The following XIRP2 variants were observed in gnomAD, a reference collection of about 807,000 sequenced individuals.
The protein encoded by XIRP2 is xin actin-binding repeat-containing protein 2.
In XIRP2, 236 loss-of-function variants were observed where a neutral mutation model predicts 277.0. That is an observed-to-expected ratio of 0.85 (90% confidence interval 0.77 to 0.95). XIRP2 has a LOEUF of 0.95. Among genes scored for constraint, XIRP2 ranks in the 40% least tolerant of loss-of-function variants. The pLI is 0.00. For missense variants in XIRP2, 4,640 were observed against 4,157.5 expected, an observed-to-expected ratio of 1.12 and a Z score of -3.19; for synonymous variants, 1,490 against 1,416.5, an observed-to-expected ratio of 1.05 and a Z score of -1.17.
At chr2:167,107,261 A>G (rs2105291538) in intron 2 of XIRP2, among the ~76,000 whole-genome samples, 1 of 152,002 alleles carries the variant, frequency 6.6e-6, no homozygotes, top group African/African-American at 2.4e-5. Context: ...ACAGGTAAGA[A>G]TGAACATCCT....
At chr2:167,151,381 C>A (rs1692011114) in intron 3 of XIRP2, among the ~76,000 whole-genome samples, 1 of 152,066 alleles carries the variant, frequency 6.6e-6, no homozygotes, top group African/African-American at 2.4e-5. Context: ...AAAAGGCTAA[C>A]TGAAAGCCTG....
chr2:166,947,586 CCA>C (rs1409550986), intron 2 of XIRP2, among the ~76,000 whole-genome samples: 16 of 151,988 alleles, frequency 1.1e-4, no homozygotes, highest in Non-Finnish European at 1.5e-5. Context: ...CCACCCCTTG[CCA>C]CACACACATT....
chr2:167,141,601 G>A (rs1453333289), intron 3 of XIRP2, among the ~76,000 whole-genome samples: 1 of 152,172 alleles, frequency 6.6e-6, no homozygotes, highest in Non-Finnish European at 1.5e-5. Context: ...ACTTGAATAA[G>A]TAAATATTCT....
chr2:166,947,845 G>A (rs1685920362), intron 2 of XIRP2, among the ~76,000 whole-genome samples: 2 of 152,086 alleles, frequency 1.3e-5, no homozygotes, highest in African/African-American at 4.8e-5. Context: ...GCCAAAACTT[G>A]GAGGCAGTAA....
chr2:167,232,382 C>G (rs951934541), intron 5 of XIRP2, among the ~76,000 whole-genome samples: 1 of 151,892 alleles, frequency 6.6e-6, no homozygotes, highest in African/African-American at 2.4e-5. Flanking sequence ...ACAATACATA[C>G]AGGCTCCTTT....
chr2:167,173,885 C>G (rs1174152119), intron 3 of XIRP2, among the ~76,000 whole-genome samples: 2 of 152,118 alleles, frequency 1.3e-5, no homozygotes, highest in Non-Finnish European at 1.5e-5. Context: ...AGCACTTTTT[C>G]ATATGCCTGT....
intron 2 of XIRP2, among the ~76,000 whole-genome samples, chr2:167,118,355 G>A (rs1022618661): frequency 4.6e-5 from 7 of 151,936 alleles, no homozygotes; most frequent in Admixed American, 2.6e-4. Context: ...GGTGGCATAC[G>A]CCTGTAATCC....
At chr2:167,173,597 T>A (rs114224242) in intron 3 of XIRP2, among the ~76,000 whole-genome samples, 1 of 152,190 alleles carries the variant, frequency 6.6e-6, no homozygotes, top group Non-Finnish European at 1.5e-5. Flanking sequence ...AACATGAGAG[T>A]GCAGATATCT....
intron 2 of XIRP2, among the ~76,000 whole-genome samples, chr2:166,984,070 C>T (rs1164377900): frequency 1.3e-5 from 2 of 152,172 alleles, no homozygotes; most frequent in East Asian, 1.9e-4. Flanking sequence ...CATAGCTAAC[C>T]TTATTAAAGT....
At chr2:166,905,147 T>A (rs1174234461) in intron 2 of XIRP2, among the ~76,000 whole-genome samples, 3 of 152,056 alleles carry the variant, frequency 2.0e-5, no homozygotes, top group African/African-American at 7.2e-5. Flanking sequence ...TATACTTTTA[T>A]ATCTTTTAGA....
At chr2:166,950,253 C>T (rs1685992097) in intron 2 of XIRP2, among the ~76,000 whole-genome samples, 1 of 152,012 alleles carries the variant, frequency 6.6e-6, no homozygotes, top group Non-Finnish European at 1.5e-5. Flanking sequence ...CTGAAGTGCC[C>T]TCCCTGGTTG....
chr2:167,024,712 C>A (rs377362131), intron 2 of XIRP2, among the ~76,000 whole-genome samples: 4,554 of 152,088 alleles, frequency 0.03, 77 homozygotes, highest in East Asian at 0.081. Context: ...TTGAGATAAT[C>A]ATGTGGTTTT....
At chr2:167,183,086 T>C (rs1693060305) in intron 3 of XIRP2, among the ~76,000 whole-genome samples, 1 of 152,200 alleles carries the variant, frequency 6.6e-6, no homozygotes. Flanking sequence ...AATAATGGAT[T>C]CCTAAGTGGA....
chr2:167,153,532 A>G (rs920451103), intron 3 of XIRP2, among the ~76,000 whole-genome samples: 4 of 151,952 alleles, frequency 2.6e-5, no homozygotes, highest in South Asian at 4.2e-4. Context: ...AGCATTAGGT[A>G]TATCTCCTAA....
intron 2 of XIRP2, among the ~76,000 whole-genome samples, chr2:167,020,567 A>G (rs1382916967): frequency 2.6e-5 from 4 of 151,898 alleles, no homozygotes; most frequent in African/African-American, 9.7e-5. Flanking sequence ...AGCTGTATAA[A>G]TTGTTTGTGT....
intron 3 of XIRP2, among the ~76,000 whole-genome samples, chr2:167,182,833 A>G (rs1386958158): frequency 2.0e-5 from 3 of 152,206 alleles, no homozygotes; most frequent in Non-Finnish European, 4.4e-5. Flanking sequence ...GAAAGAAAAA[A>G]ATATTTACTA....
chr2:167,200,558 C>T (rs376578757), intron 3 of XIRP2, among the ~76,000 whole-genome samples: 12 of 152,184 alleles, frequency 7.9e-5, no homozygotes, highest in Non-Finnish European at 1.3e-4. Context: ...TGGTGGTTCA[C>T]GGCCTAGTGC....
Position 167,251,109 on chromosome 2 carries a change from A to C in XIRP2, c.9717A>C (p.Thr3239=). ...GTAGGGACTCTCCACCTACAATCACAATACCAGTAAATATAAATCATGCTG... is the reference window on the plus strand; with the variant it reads ...GTAGGGACTCTCCACCTACAATCACCATACCAGTAAATATAAATCATGCTG... ...TRGRDSPPTI[T]IPVNINHAAS... is the part of the protein sequence containing the mutation. Residue 3239 remains threonine (T), a synonymous_variant, in exon 9 of 11, where the codon ACA becomes ACC. Transcript: ENST00000409195. The C allele has an allele frequency of 6.2e-7, 1 of 1,613,572 alleles. No homozygotes were observed. The highest frequency in any genetic ancestry group is 8.5e-7 in the Non-Finnish European group (1 of 1,179,756).
chr2:166,970,830 A>AAATATTTTCAAAT (rs1686558611), intron 2 of XIRP2, among the ~76,000 whole-genome samples: 1 of 151,974 alleles, frequency 6.6e-6, no homozygotes, highest in South Asian at 2.1e-4. Context: ...ATTTTCAAAT[A>AAATATTTTCAAAT]AATATACTAT....
Sources: gnomAD v4.1 joint callset for allele counts (sites outside exome capture counted in the v4.1 genomes callset) on GRCh38, gnomAD v4.1.1 for gene constraint, MANE v1.5 for transcripts, NCBI Gene and HGNC (gene_info 2026-07-23, HGNC 2026-07-21) for gene names.